The following PKD1L3 variants were observed in gnomAD, a reference collection of about 807,000 sequenced individuals.
The protein encoded by PKD1L3 is polycystin-1-like protein 3.
PKD1L3 carries 239 observed loss-of-function variants against 184.1 expected under a neutral mutation model. That is an observed-to-expected ratio of 1.30 (90% CI 1.17 to 1.45). The LOEUF is 1.45. Ranked by LOEUF, PKD1L3 falls within the 40% of genes most tolerant of loss-of-function variation. The pLI, the probability that PKD1L3 is intolerant of heterozygous loss-of-function variation, is 0.00. For synonymous variants in PKD1L3, 996 were observed against 778.8 expected, an observed-to-expected ratio of 1.28 and a Z score of -4.64; for missense variants, 2,660 against 2,067.2, an observed-to-expected ratio of 1.29 and a Z score of -5.56.
chr16:71,934,295 G>A (rs926788078), intron 26 of PKD1L3, among the ~76,000 whole-genome samples, 170 bp from the exon 27 acceptor site: 6 of 152,188 alleles, frequency 3.9e-5, no homozygotes, highest in African/African-American at 1.2e-4. Flanking sequence ...GGATATGGGA[G>A]TAACAGAAGG....
At chr16:71,987,267 C>T (rs2040409292) in intron 4 of PKD1L3, among the ~76,000 whole-genome samples, 1 of 151,530 alleles carries the variant, frequency 6.6e-6, no homozygotes, top group Admixed American at 6.6e-5. Flanking sequence ...GTCACCCGGG[C>T]TGGAGTACAG....
intron 24 of PKD1L3, 75 bp from the exon 25 acceptor site, chr16:71,937,494 A>C (rs1288884881): frequency 6.8e-7 from 1 of 1,479,896 alleles, no homozygotes; most frequent in Non-Finnish European, 9.0e-7. Flanking sequence ...TTGTCTTTGA[A>C]TAACCCCAAC....
intron 11 of PKD1L3, among the ~76,000 whole-genome samples, chr16:71,976,319 G>C (rs1232700697): frequency 7.1e-6 from 1 of 141,238 alleles, no homozygotes; most frequent in African/African-American, 2.7e-5. Flanking sequence ...GCAATGGTGC[G>C]ATCTTGGCTC....
At chr16:71,962,247 G>A (rs1463820183) in intron 16 of PKD1L3, among the ~76,000 whole-genome samples, 1 of 152,010 alleles carries the variant, frequency 6.6e-6, no homozygotes, top group Non-Finnish European at 1.5e-5. Flanking sequence ...TGGGCCTCTT[G>A]CAATCATCTT....
At chr16:71,944,701 GTTTGT>G (rs1270809450) in intron 22 of PKD1L3, among the ~76,000 whole-genome samples, 1 of 141,146 alleles carries the variant, frequency 7.1e-6, no homozygotes, top group Non-Finnish European at 1.5e-5. Flanking sequence ...TCTGTTTTTT[GTTTGT>G]TTTTTTTTTT....
Position 71,990,148 on chromosome 16 carries a change from C to T in PKD1L3, c.585+132G>A, listed in dbSNP as rs182572383. On this transcript the variant is annotated intron_variant, in intron 4 of 29. Transcript: ENST00000620267. Reference sequence around the variant, plus strand: ...TATTAAATCCAATTTTTTTCTTGCACGTAAGTACTTTATTTTCCTTATTAG... The same window carrying T: ...TATTAAATCCAATTTTTTTCTTGCATGTAAGTACTTTATTTTCCTTATTAG... 2,567 of 652,062 alleles carry T rather than the reference C, an allele frequency of 3.9e-3. 13 individuals carry two copies. The highest frequency in any genetic ancestry group is 5.1e-3 in the Non-Finnish European group (2,302 of 448,506). The allele number at this position is 652,062 out of a possible 1,614,324, so 40.4% of individuals were successfully genotyped here. A position where few individuals can be genotyped will look rare whatever the true frequency, so the allele number is the denominator to read the frequency against.
At chr16:71,969,590 G>A (rs975369660) in intron 13 of PKD1L3, among the ~76,000 whole-genome samples, 6 of 151,086 alleles carry the variant, frequency 4.0e-5, no homozygotes, top group Non-Finnish European at 7.4e-5. Context: ...GGAATTATAG[G>A]CATGAGCCAC....
chr16:71,976,676 C>G (rs1320911315), intron 11 of PKD1L3, among the ~76,000 whole-genome samples: 1 of 152,182 alleles, frequency 6.6e-6, no homozygotes, highest in Non-Finnish European at 1.5e-5. Flanking sequence ...CCCAGCACTT[C>G]AGGAGGCTGA....
At position 71,942,967 on chromosome 16, in the gene PKD1L3, T is replaced by C. The variant is rs1009169655; in HGVS notation, c.3917A>G (p.Asn1306Ser). 11 of 1,551,434 alleles carry C rather than the reference T, an allele frequency of 7.1e-6. No homozygotes were observed. The Admixed American group carries it at 9.8e-5, about 14-fold the overall frequency. The stretch of plus-strand genomic sequence containing the variant: ...GATAGCTTGGTGGAGGTAAAATCTA[T>C]TGGAGTTCTTTGCAGAGTAGATTGC... Reference protein sequence around the residue: ...MTAIYSAKNSNRFYLHQAIWK... With the variant: ...MTAIYSAKNSSRFYLHQAIWK... The change falls in exon 24 of 30, where the codon AAT becomes AGT. Residue 1306 changes from asparagine to serine, a missense_variant. By Grantham distance (46) the Asn-to-Ser change is conservative. Coordinates refer to ENST00000620267, the MANE Select transcript of PKD1L3 (RefSeq NM_181536.2).
At chr16:71,979,353 G>C (rs774775985) in intron 9 of PKD1L3, among the ~76,000 whole-genome samples, 1 of 151,874 alleles carries the variant, frequency 6.6e-6, no homozygotes, top group Non-Finnish European at 1.5e-5. Context: ...CTGAGGCAGG[G>C]GAATCGCTTG....
rs1328556487 is a variant in PKD1L3, at chr16:71,942,862, G to A, written c.4022C>T (p.Pro1341Leu). 1.3e-6 allele frequency: 2 copies of A among 1,551,528 alleles called. No homozygotes were observed. Among genetic ancestry groups the A allele is most frequent in the Non-Finnish European group, 1.7e-6 (2 of 1,146,974 alleles). Residue 1341 changes from proline (P) to leucine (L), a missense_variant, in exon 24 of 30, where the codon CCT becomes CTT. Pro to Leu is a moderately conservative substitution (Grantham distance 98, BLOSUM62 -3). Coordinates refer to ENST00000620267, the MANE Select transcript of PKD1L3 (RefSeq NM_181536.2). The part of the protein sequence containing the change: ...FYPWANHILL[P>L]SLYGDYRGKN... ...ACCTCTGTAATCCCCATACAGGCTA[G>A]GAAGAAGGATATGATTGGCCCAGGG... is the stretch of plus-strand genomic sequence containing the variant.
At chr16:71,982,278 C>CTTTTTT (rs35324670) in intron 6 of PKD1L3, 43 bp from the exon 7 acceptor site, 25 of 432,744 alleles carry the variant, frequency 5.8e-5, no homozygotes, top group South Asian at 8.9e-5. Context: ...GAATTGTTTG[C>CTTTTTT]TTTTTTTTTT....
chr16:71,984,580 C>T (rs1426954349), intron 5 of PKD1L3, among the ~76,000 whole-genome samples: 6 of 152,214 alleles, frequency 3.9e-5, no homozygotes, highest in South Asian at 2.1e-4. Context: ...GTATTTAAGG[C>T]TGGGCGTGAT....
chr16:71,999,325 A>G (rs1171823862), intron 1 of PKD1L3, among the ~76,000 whole-genome samples: 1 of 151,966 alleles, frequency 6.6e-6, no homozygotes, highest in African/African-American at 2.4e-5. Flanking sequence ...ATAGGTAGAT[A>G]CTCTTCCTCT....
intron 23 of PKD1L3, among the ~76,000 whole-genome samples, chr16:71,943,698 T>A (rs2143249022): frequency 6.6e-6 from 1 of 152,292 alleles, no homozygotes; most frequent in East Asian, 1.9e-4. Context: ...AATCCAATAA[T>A]GAACTAGATG....
chr16:71,986,177 T>C, intron 5 of PKD1L3, 44 bp downstream of exon 5: 3 of 1,544,902 alleles, frequency 1.9e-6, no homozygotes, highest in Non-Finnish European at 2.6e-6. Flanking sequence ...AAGTACTTTT[T>C]GGGGGTCACA....
intron 24 of PKD1L3, among the ~76,000 whole-genome samples, chr16:71,941,879 C>T (rs866237590): frequency 6.6e-5 from 10 of 151,684 alleles, no homozygotes; most frequent in Middle Eastern, 6.8e-3. Context: ...CCACCGTGCC[C>T]GACCTCTATG....
In PKD1L3 at chr16:71,950,021, A is replaced by G. The variant is rs752788611; in HGVS notation, c.3384-4T>C. On this transcript the variant is annotated splice_region_variant and splice_polypyrimidine_tract_variant and intron_variant, in intron 20 of 29. Coordinates refer to ENST00000620267, the MANE Select transcript of PKD1L3 (RefSeq NM_181536.2). Reference sequence around the variant, plus strand: ...GATGGCAAAACTGGTGACTTCCCTGAAGCACAAAAGTTGAGGGAATAATCT... The same window carrying G: ...GATGGCAAAACTGGTGACTTCCCTGGAGCACAAAAGTTGAGGGAATAATCT... 2.6e-6 allele frequency: 4 copies of G among 1,551,564 alleles called. No homozygotes were observed. The Admixed American group carries it at 7.9e-5, about 30-fold the overall frequency.
At chr16:71,951,184 C>A (rs941132617) in intron 19 of PKD1L3, among the ~76,000 whole-genome samples, 1 of 151,970 alleles carries the variant, frequency 6.6e-6, no homozygotes, top group African/African-American at 2.4e-5. Context: ...GGATTACAGG[C>A]GCCCGCCACT....
Sources: allele counts gnomAD v4.1 joint callset (sites outside exome capture counted in the v4.1 genomes callset), GRCh38; gene constraint gnomAD v4.1.1; transcripts MANE v1.5; gene names NCBI Gene and HGNC (gene_info 2026-07-23, HGNC 2026-07-21).